Variants in MYOZ3 observed in about 807,000 individuals in gnomAD.
MYOZ3 encodes myozenin-3.
MYOZ3 carries 19 observed loss-of-function variants against 26.5 expected under a neutral mutation model. That is an observed-to-expected ratio of 0.72 (90% confidence interval 0.50 to 1.05). MYOZ3 has a LOEUF of 1.05. Among genes scored for constraint, MYOZ3 ranks in the 50% least tolerant of loss-of-function variants. The probability of loss-of-function intolerance (pLI) is 0.00; values close to 1 mark genes in which losing one functional copy is unlikely to be tolerated. For synonymous variants in MYOZ3, 135 were observed against 138.8 expected (o/e 0.97, Z 0.19); for missense variants, 322 against 337.1 (o/e 0.96, Z 0.35).
At chr5:150,666,628 A>ATAT (rs1308366694) in intron 2 of MYOZ3, among the ~76,000 whole-genome samples, 122 of 133,086 alleles carry the variant, frequency 9.2e-4, no homozygotes, top group East Asian at 2.8e-3. Context: ...AAAAAAAAAA[A>ATAT]AAATATATAT....
intron 3 of MYOZ3, 27 bp from the exon 4 acceptor site, chr5:150,671,570 C>G: frequency 6.2e-7 from 1 of 1,613,568 alleles, no homozygotes. Flanking sequence ...AGCTTCTCTG[C>G]GGTTTATTCT....
intron 6 of MYOZ3, among the ~76,000 whole-genome samples, chr5:150,675,322 T>G (rs1036024361): frequency 1.3e-5 from 2 of 152,200 alleles, no homozygotes; most frequent in African/African-American, 4.8e-5. Flanking sequence ...TCTACCATAC[T>G]AATACGTAGA....
chr5:150,671,993 G>C, intron 5 of MYOZ3, 85 bp downstream of exon 5: 1 of 1,445,662 alleles, frequency 6.9e-7, no homozygotes, highest in Non-Finnish European at 9.1e-7. Context: ...AGAGCACCCA[G>C]AAGGCTAGTC....
intron 1 of MYOZ3, 110 bp from the exon 2 acceptor site, chr5:150,662,831 G>A (rs1375283321): frequency 6.6e-6 from 6 of 905,926 alleles, no homozygotes; most frequent in Non-Finnish European, 1.1e-5. Context: ...TGTGATTTGG[G>A]GCTGGCCTAA....
chr5:150,670,360 CCGGTGT>C (rs753878412), intron 2 of MYOZ3, 118 bp from the exon 3 acceptor site: 1 of 1,102,314 alleles, frequency 9.1e-7, no homozygotes, highest in Non-Finnish European at 1.2e-6. Flanking sequence ...ATCATGACAC[CCGGTGT>C]CGGCAAGCTT....
intron 2 of MYOZ3, chr5:150,669,156 T>C (rs1341329901): frequency 2.7e-5 from 4 of 147,162 alleles, no homozygotes; most frequent in African/African-American, 1.0e-4. Flanking sequence ...TAAAACAAGT[T>C]ACAGGCCGGG....
At chr5:150,667,341 T>G (rs1487024129) in intron 2 of MYOZ3, among the ~76,000 whole-genome samples, 1 of 152,198 alleles carries the variant, frequency 6.6e-6, no homozygotes, top group Non-Finnish European at 1.5e-5. Flanking sequence ...AGACCTTGCT[T>G]CTTATTCCAC....
intron 2 of MYOZ3, among the ~76,000 whole-genome samples, chr5:150,663,823 C>T (rs1283670162): frequency 6.7e-6 from 1 of 150,312 alleles, no homozygotes; most frequent in African/African-American, 2.4e-5. Context: ...GGTGAGACTC[C>T]ATCTCTACAA....
intron 2 of MYOZ3, chr5:150,668,979 C>G (rs1184192126): frequency 2.0e-5 from 3 of 152,260 alleles, no homozygotes; most frequent in Non-Finnish European, 4.4e-5. Context: ...ATTCACACAT[C>G]TATCTCCCTC....
rs752885943 is a variant in MYOZ3, at chr5:150,672,490, G to A, written c.575G>A (p.Arg192Gln). 1.6e-5 allele frequency: 25 copies of A among 1,569,438 alleles called. No homozygotes were observed. In the East Asian group the frequency reaches 5.4e-4, roughly 34 times the overall value. The change falls in exon 6 of 7, where the codon CGA (arginine) becomes CAA (glutamine). Residue 192 changes from arginine (R) to glutamine (Q), a missense_variant. Arg to Gln is a conservative substitution (Grantham distance 43). Coordinates refer to ENST00000517768, the MANE Select transcript of MYOZ3 (RefSeq NM_001122853.3). ...RSHTPSPNDY[R>Q]NFNKTPVPFG... ...CACACCCCCAGCCCCAACGACTACCGAAATTTCAACAAGTAAGGCGGGGCG... is the reference window on the plus strand; with the variant it reads ...CACACCCCCAGCCCCAACGACTACCAAAATTTCAACAAGTAAGGCGGGGCG...
At chr5:150,662,844 C>A in intron 1 of MYOZ3, 97 bp from the exon 2 acceptor site, 1 of 1,070,522 alleles carries the variant, frequency 9.3e-7, no homozygotes, top group Non-Finnish European at 1.4e-6. Context: ...TGGCCTAAAG[C>A]TGTTCAGGAC....
chr5:150,668,526 C>G (rs28709809), intron 2 of MYOZ3, among the ~76,000 whole-genome samples: 11,168 of 152,276 alleles, frequency 0.073, 1,397 homozygotes, highest in African/African-American at 0.25. Flanking sequence ...GGCTCCGTCT[C>G]TGATCCTCTT....
chr5:150,664,149 G>C (rs1487637169), intron 2 of MYOZ3, among the ~76,000 whole-genome samples: 1 of 152,194 alleles, frequency 6.6e-6, no homozygotes, highest in East Asian at 1.9e-4. Flanking sequence ...GTTAGGACTT[G>C]TGCATTTGCC....
rs1184633794 is a variant in MYOZ3, at chr5:150,678,872, A to AAAGCT, written c.*1998_*2002dup. ...TGCTAAGATGTCACTGGGGGTCACT[A>AAAGCT]AAGCTGAAGCCTGAAGGAAAGCCTC... On this transcript the variant is annotated 3_prime_UTR_variant, in exon 7 of 7. Transcript: ENST00000517768. The AAAGCT allele has an allele frequency of 1.3e-5, 2 of 152,374 alleles. No homozygotes were observed. Among genetic ancestry groups the AAAGCT allele is most frequent in the Non-Finnish European group, 2.9e-5 (2 of 68,078 alleles). The allele number at this position is 152,374 out of a possible 1,614,324, so 9.4% of individuals were successfully genotyped here.
chr5:150,665,516 T>A (rs990988936), intron 2 of MYOZ3, among the ~76,000 whole-genome samples: 8 of 152,234 alleles, frequency 5.3e-5, no homozygotes, highest in Admixed American at 3.9e-4. Flanking sequence ...TATACATGTA[T>A]CTTTGGACAT....
At chr5:150,660,921 C>G (rs1437150855), upstream of MYOZ3, 1 of 147,556 alleles carries the variant, frequency 6.8e-6, no homozygotes, top group Non-Finnish European at 1.5e-5. Context: ...ATAAGTCAAG[C>G]AAAGATATTG....
intron 2 of MYOZ3, among the ~76,000 whole-genome samples, chr5:150,665,729 T>A (rs901693977): frequency 8.8e-5 from 13 of 147,080 alleles, no homozygotes; most frequent in Non-Finnish European, 1.7e-4. Flanking sequence ...GTGCCTGCCA[T>A]TTTTTTTTTT....
intron 2 of MYOZ3, among the ~76,000 whole-genome samples, chr5:150,665,928 G>A (rs1422364610): frequency 6.6e-6 from 1 of 151,716 alleles, no homozygotes; most frequent in Non-Finnish European, 1.5e-5. Flanking sequence ...CCAGCTACTC[G>A]GGAGGCTGAG....
At chr5:150,675,226 T>TTGTGTGCGTGTG (rs765864243) in intron 6 of MYOZ3, among the ~76,000 whole-genome samples, 15 of 151,360 alleles carry the variant, frequency 9.9e-5, no homozygotes, top group East Asian at 9.6e-4. Flanking sequence ...GGAATGGCGT[T>TTGTGTGCGTGTG]TGTGTGTGTG....
Sources: allele counts gnomAD v4.1 joint callset (sites outside exome capture counted in the v4.1 genomes callset), GRCh38; gene constraint gnomAD v4.1.1; transcripts MANE v1.5; gene names NCBI Gene and HGNC (gene_info 2026-07-23, HGNC 2026-07-21).